THAP4: variants seen among roughly 807,000 people sequenced by gnomAD.
THAP4 encodes the protein peroxynitrite isomerase THAP4.
In THAP4, 18 loss-of-function variants were observed where a neutral mutation model predicts 48.1. That is an observed-to-expected ratio of 0.37 (90% CI 0.26 to 0.56). THAP4 has a LOEUF of 0.56. Ranked by LOEUF, THAP4 falls within the 20% of genes least tolerant of loss-of-function variation. The pLI, the probability that THAP4 is intolerant of heterozygous loss-of-function variation, is 0.78. For missense variants in THAP4, 656 were observed against 774.9 expected (o/e 0.85, Z 1.82); for synonymous variants, 345 against 324.9 (o/e 1.06, Z -0.66).
intron 2 of THAP4, among the ~76,000 whole-genome samples, chr2:241,607,093 G>C (rs1432090236): frequency 6.6e-6 from 1 of 152,056 alleles, no homozygotes; most frequent in Non-Finnish European, 1.5e-5. Flanking sequence ...GAGGGGCTGG[G>C]GCTTCACAGC....
chr2:241,610,118 G>A lies in THAP4; in HGVS notation c.1241-3645C>T, dbSNP rs909797840. 1.3e-5 allele frequency among the ~76,000 whole-genome samples: 2 copies of A among 152,154 alleles called. No individual in the cohort carries two copies. The highest frequency in any genetic ancestry group is 2.9e-5 in the Non-Finnish European group (2 of 68,006). ...GGAAGAGGCCAAGGGGCCTGGCGGC[G>A]CCCCCCAGGGTCCCAGTGGAACAGG... On this transcript the variant is annotated intron_variant, in intron 2 of 5. Coordinates refer to ENST00000407315, the MANE Select transcript of THAP4 (RefSeq NM_015963.6). The surrounding 1 kb of genome is among the most constrained non-coding windows in gnomAD (Gnocchi z 4.2).
At chr2:241,636,491 G>A (rs1575044183) in intron 1 of THAP4, among the ~76,000 whole-genome samples, 1 of 152,318 alleles carries the variant, frequency 6.6e-6, no homozygotes, top group South Asian at 2.1e-4. Flanking sequence ...GCGTACCCGC[G>A]TCCTGGGCTC....
intron 5 of THAP4, among the ~76,000 whole-genome samples, chr2:241,592,694 C>T (rs1039650767): frequency 6.6e-6 from 1 of 152,230 alleles, no homozygotes; most frequent in South Asian, 2.1e-4. Context: ...TCGGTCTCTT[C>T]GAGAGGTTCC....
intron 2 of THAP4, among the ~76,000 whole-genome samples, chr2:241,627,767 G>T (rs1013690207): frequency 6.6e-6 from 1 of 152,184 alleles, no homozygotes; most frequent in Admixed American, 6.5e-5. Flanking sequence ...CCCAGGGAGA[G>T]GATGTCCTCT....
chr2:241,587,106 AC>A (rs1002403007), intron 5 of THAP4, among the ~76,000 whole-genome samples: 12 of 152,290 alleles, frequency 7.9e-5, no homozygotes, highest in Admixed American at 5.2e-4. Flanking sequence ...GTCAAAGGTG[AC>A]CGATTAAGGA....
intron 5 of THAP4, among the ~76,000 whole-genome samples, chr2:241,587,668 G>A (rs1344149451): frequency 2.0e-5 from 3 of 151,970 alleles, no homozygotes; most frequent in African/African-American, 4.8e-5. Flanking sequence ...GAAAAATCCT[G>A]AGCAATAGAA....
At chr2:241,605,308 G>A (rs923919836) in intron 3 of THAP4, among the ~76,000 whole-genome samples, 29 of 152,234 alleles carry the variant, frequency 1.9e-4, no homozygotes, top group Non-Finnish European at 1.0e-4. Flanking sequence ...GAAACTGCTA[G>A]GCATTATACA....
intron 5 of THAP4, among the ~76,000 whole-genome samples, chr2:241,591,622 C>CA (rs1162416928): frequency 2.0e-5 from 3 of 152,128 alleles, no homozygotes; most frequent in Admixed American, 6.5e-5. Context: ...CATGGGTGAA[C>CA]AGGGGGGCCG....
chr2:241,593,127 C>A (rs1334993791), intron 5 of THAP4, among the ~76,000 whole-genome samples: 2 of 152,056 alleles, frequency 1.3e-5, no homozygotes, highest in Non-Finnish European at 2.9e-5. Flanking sequence ...CGCCTGTAGT[C>A]TCAGCTACTT....
Position 241,612,957 on chromosome 2 carries a change from A to G in THAP4, c.1241-6484T>C, listed in dbSNP as rs1256152872. On this transcript the variant is annotated intron_variant, in intron 2 of 5. Transcript: ENST00000407315. This position sits in a 1 kb window ranked among gnomAD's most constrained non-coding sequence, Gnocchi z 4.1. ...CCAAAAAGTCTTCAAATAATTCAAT[A>G]ATCTTATAGTATGGGTGGTTGCCTG... 1.3e-5 allele frequency among the ~76,000 whole-genome samples: 2 copies of G among 152,312 alleles called. 1 individual carries two copies. Among genetic ancestry groups the G allele is most frequent in the South Asian group, 4.1e-4 (2 of 4,826 alleles).
intron 4 of THAP4, 27 bp from the exon 5 acceptor site, chr2:241,602,026 C>G: frequency 6.2e-7 from 1 of 1,603,812 alleles, no homozygotes; most frequent in South Asian, 1.1e-5. Flanking sequence ...GTCAGCTCAC[C>G]CAGCAGCTGC....
Position 241,601,849 on chromosome 2 carries a change from G to A in THAP4, c.1614+47C>T, listed in dbSNP as rs761757538. The A allele has an allele frequency of 1.2e-5, 20 of 1,609,386 alleles. No individual in the cohort carries two copies. The highest frequency in any genetic ancestry group is 4.4e-5 in the South Asian group (4 of 90,004). On this transcript the variant is annotated intron_variant, in intron 5 of 5. Transcript: ENST00000407315. This position sits in a 1 kb window ranked among gnomAD's most constrained non-coding sequence, Gnocchi z 4.0. Reference sequence around the variant, plus strand: ...GAGGAAGAGGCTGACTCCACAGACCGCTGCAAACAGAAGACAGGAGCGTGC... The same window carrying A: ...GAGGAAGAGGCTGACTCCACAGACCACTGCAAACAGAAGACAGGAGCGTGC...
chr2:241,637,433 G>A (rs1301895667), upstream of THAP4: 15 of 1,469,056 alleles, frequency 1.0e-5, no homozygotes, highest in East Asian at 4.4e-4. Context: ...GGTCCTCTAA[G>A]AGGAGGAAGC....
chr2:241,627,529 G>A lies in THAP4; in HGVS notation c.1240+5388C>T, dbSNP rs2067508795. ...CACCGGGCACTGCCTCTGGAGCGTG[G>A]CTTCAACCCACCTCTGAAGCCCACT... On this transcript the variant is annotated intron_variant, in intron 2 of 5. Coordinates refer to ENST00000407315, the MANE Select transcript of THAP4 (RefSeq NM_015963.6). Among the ~76,000 whole-genome samples, 6 of 152,336 alleles carry A rather than the reference G, an allele frequency of 3.9e-5. No individual in the cohort carries two copies. The South Asian group carries it at 1.2e-3, about 32-fold the overall frequency.
intron 2 of THAP4, chr2:241,617,601 AATG>A: frequency 1.3e-6 from 1 of 798,380 alleles, no homozygotes; most frequent in Non-Finnish European, 1.9e-6. Context: ...AGTAAAAGAC[AATG>A]ACAGCCCAGA....
At position 241,610,034 on chromosome 2, in the gene THAP4, CCCTCA is replaced by C. The variant is rs1559226070; in HGVS notation, c.1241-3566_1241-3562del. ...GCTGCACCGGGGCCGCGATCTCCACCCCTCACGCCCGAGTCCCCGGCACGGCCACC... is the reference window on the plus strand; with the variant it reads ...GCTGCACCGGGGCCGCGATCTCCACCCGCCCGAGTCCCCGGCACGGCCACC... On this transcript the variant is annotated intron_variant, in intron 2 of 5. Transcript: ENST00000407315. The surrounding 1 kb of genome is among the most constrained non-coding windows in gnomAD (Gnocchi z 4.2). Among the ~76,000 whole-genome samples the C allele has an allele frequency of 2.6e-5, 4 of 152,216 alleles. No homozygotes were observed. Among genetic ancestry groups the C allele is most frequent in the Non-Finnish European group, 5.9e-5 (4 of 68,030 alleles).
Position 241,633,936 on chromosome 2 carries a change from C to T in THAP4, c.221G>A (p.Arg74His), listed in dbSNP as rs1284465279. 2 of 1,614,152 alleles carry T rather than the reference C, an allele frequency of 1.2e-6. No homozygotes were observed. Among genetic ancestry groups the T allele is most frequent in the Non-Finnish European group, 1.7e-6 (2 of 1,180,032 alleles). The change falls in exon 2 of 6, where the codon CGC (arginine) becomes CAC (histidine). Residue 74 changes from arginine to histidine, a missense_variant. Arg to His is a conservative substitution (Grantham distance 29, BLOSUM62 0). This residue lies in a region of THAP4 where 30 missense variants were observed against 60.1 expected (regional missense o/e 0.50). Transcript: ENST00000407315. This position sits in a 1 kb window ranked among gnomAD's most constrained non-coding sequence, Gnocchi z 7.5. ...SFSKRLEDQH[R>H]LLKPTAVPSI... Reference sequence around the variant, plus strand: ...TGGCACGGCCGTGGGCTTCAGCAGGCGATGCTGGTCCTCCAGCCTCTTGGA... The same window carrying T: ...TGGCACGGCCGTGGGCTTCAGCAGGTGATGCTGGTCCTCCAGCCTCTTGGA...
chr2:241,597,978 CAA>C (rs66522275), intron 5 of THAP4, among the ~76,000 whole-genome samples: 48,521 of 129,102 alleles, frequency 0.38, 8,222 homozygotes, highest in Middle Eastern at 0.48. Context: ...AACATGCAAA[CAA>C]AAAAAAAAAA....
chr2:241,591,761 A>C (rs564020316), intron 5 of THAP4, among the ~76,000 whole-genome samples: 1 of 152,320 alleles, frequency 6.6e-6, no homozygotes, highest in African/African-American at 2.4e-5. Flanking sequence ...TTTAGGTTGA[A>C]CTGTGAAGCT....
Sources: gnomAD v4.1 joint callset for allele counts (sites outside exome capture counted in the v4.1 genomes callset) on GRCh38, gnomAD v4.1.1 for gene constraint, gnomAD v4.1.1 regional missense constraint, Gnocchi (gnomAD v3.1) non-coding constraint, MANE v1.5 for transcripts, NCBI Gene and HGNC (gene_info 2026-07-23, HGNC 2026-07-21) for gene names.